GREM2: variants seen among roughly 807,000 people sequenced by gnomAD.
GREM2 encodes the protein gremlin 2, DAN family BMP antagonist, also known as gremlin-2.
Under a neutral mutation model 14.2 loss-of-function variants are expected in GREM2, and 11 were observed. The observed-to-expected ratio is 0.78, with a 90% CI of 0.49 to 1.28. The LOEUF (loss-of-function observed/expected upper bound fraction) is 1.28, where lower values mean the gene tolerates loss of function less well. GREM2 is among the 50% of genes most tolerant of loss of function. The probability of loss-of-function intolerance (pLI) is 0.00; values close to 1 mark genes in which losing one functional copy is unlikely to be tolerated. For missense variants in GREM2, 210 were observed against 218.5 expected (o/e 0.96, Z 0.24); for synonymous variants, 98 against 97.6 (o/e 1.00, Z -0.02).
At chr1:240,574,132 G>A (rs184907941) in intron 1 of GREM2, among the ~76,000 whole-genome samples, 137 of 152,122 alleles carry the variant, frequency 9.0e-4, no homozygotes, top group Middle Eastern at 3.4e-3. Context: ...ATGTTGGCCA[G>A]GCTGGTCTCG....
intron 1 of GREM2, among the ~76,000 whole-genome samples, chr1:240,570,642 T>C (rs960712833): frequency 6.6e-6 from 1 of 152,162 alleles, no homozygotes; most frequent in African/African-American, 2.4e-5. Flanking sequence ...AATCAAATTG[T>C]GTTTTACACA....
chr1:240,511,697 A>G (rs1677834909), intron 1 of GREM2, among the ~76,000 whole-genome samples: 1 of 152,154 alleles, frequency 6.6e-6, no homozygotes, highest in Non-Finnish European at 1.5e-5. Flanking sequence ...AGTTTGCGGT[A>G]AGCCGAGATT....
chr1:240,491,847 C>G lies in GREM2; in HGVS notation c.*1122G>C, dbSNP rs1677259226. 6.5e-6 allele frequency: 1 copy of G among 152,782 alleles called. No homozygotes were observed. The highest frequency in any genetic ancestry group is 1.5e-5 in the Non-Finnish European group (1 of 68,176). The allele number at this position is 152,782 out of a possible 1,614,324, so 9.5% of individuals were successfully genotyped here. A position where few individuals can be genotyped will look rare whatever the true frequency, so the allele number is the denominator to read the frequency against. On this transcript the variant is annotated 3_prime_UTR_variant, in exon 2 of 2. Coordinates refer to ENST00000318160, the MANE Select transcript of GREM2 (RefSeq NM_022469.4). ...TTCTAGTTTCCGGTCATCAATTTCCCAACGAATGCCCTTCCCTATACCTAT... is the reference window on the plus strand; with the variant it reads ...TTCTAGTTTCCGGTCATCAATTTCCGAACGAATGCCCTTCCCTATACCTAT...
intron 1 of GREM2, among the ~76,000 whole-genome samples, chr1:240,514,096 A>T (rs1435693574): frequency 6.6e-6 from 1 of 151,902 alleles, no homozygotes; most frequent in Non-Finnish European, 1.5e-5. Flanking sequence ...AAAATACAAA[A>T]ATTAGCCAGG....
chr1:240,594,489 A>G (rs1679778380), intron 1 of GREM2, among the ~76,000 whole-genome samples: 1 of 152,202 alleles, frequency 6.6e-6, no homozygotes, highest in African/African-American at 2.4e-5. Context: ...AACTGGACTG[A>G]GAAACTCAAC....
At chr1:240,519,643 T>C (rs1678033407) in intron 1 of GREM2, among the ~76,000 whole-genome samples, 2 of 152,226 alleles carry the variant, frequency 1.3e-5, no homozygotes, top group East Asian at 3.8e-4. Flanking sequence ...TCAAGTTTTC[T>C]GAAACCAATC....
At chr1:240,521,561 A>G (rs1678099001) in intron 1 of GREM2, among the ~76,000 whole-genome samples, 1 of 151,756 alleles carries the variant, frequency 6.6e-6, no homozygotes, top group Non-Finnish European at 1.5e-5. Context: ...ACAGTGTGAG[A>G]CTCCGTCTCA....
At chr1:240,600,412 A>T (rs759861435) in intron 1 of GREM2, among the ~76,000 whole-genome samples, 1 of 152,082 alleles carries the variant, frequency 6.6e-6, no homozygotes, top group African/African-American at 2.4e-5. Flanking sequence ...CCAACACTCA[A>T]GGTACCTATG....
At chr1:240,594,456 G>T (rs1679775726) in intron 1 of GREM2, among the ~76,000 whole-genome samples, 1 of 152,122 alleles carries the variant, frequency 6.6e-6, no homozygotes, top group Admixed American at 6.5e-5. Flanking sequence ...AAGAATATTG[G>T]GTTGAACCTA....
At chr1:240,572,803 C>A (rs1679284695) in intron 1 of GREM2, among the ~76,000 whole-genome samples, 1 of 152,116 alleles carries the variant, frequency 6.6e-6, no homozygotes, top group Non-Finnish European at 1.5e-5. Context: ...GGATTAAGCA[C>A]TTGTTTTAAC....
chr1:240,562,454 C>G (rs542194676), intron 1 of GREM2, among the ~76,000 whole-genome samples: 1 of 152,152 alleles, frequency 6.6e-6, no homozygotes, highest in African/African-American at 2.4e-5. Context: ...TCAGCGGTTA[C>G]GATTCTTACA....
intron 1 of GREM2, among the ~76,000 whole-genome samples, chr1:240,565,845 CCA>C (rs1679168214): frequency 7.7e-6 from 1 of 129,220 alleles, no homozygotes; most frequent in Admixed American, 7.3e-5. Flanking sequence ...GACTCTGTCT[CCA>C]AAAAAAAAAA....
At chr1:240,580,011 C>A (rs1475388041) in intron 1 of GREM2, among the ~76,000 whole-genome samples, 10 of 152,148 alleles carry the variant, frequency 6.6e-5, no homozygotes, top group Admixed American at 6.5e-4. Context: ...CTGTGATATG[C>A]ACACAAATCT....
At chr1:240,548,032 T>A (rs1572393541) in intron 1 of GREM2, among the ~76,000 whole-genome samples, 1 of 150,656 alleles carries the variant, frequency 6.6e-6, no homozygotes, top group South Asian at 2.1e-4. Context: ...GAGGCCAAGG[T>A]GGGTGGATCA....
intron 1 of GREM2, among the ~76,000 whole-genome samples, chr1:240,589,713 C>T (rs1679670611): frequency 4.6e-5 from 7 of 152,024 alleles, no homozygotes; most frequent in Admixed American, 4.6e-4. Context: ...TGAACTTGAG[C>T]AGGTTGTACT....
chr1:240,585,729 CAAAAAA>C (rs370321961), intron 1 of GREM2, among the ~76,000 whole-genome samples: 1 of 67,832 alleles, frequency 1.5e-5, no homozygotes, highest in Non-Finnish European at 3.4e-5. Flanking sequence ...GACTCCATCT[CAAAAAA>C]AAAAAAAAAA....
At chr1:240,523,909 C>T (rs1308318523) in intron 1 of GREM2, among the ~76,000 whole-genome samples, 1 of 152,166 alleles carries the variant, frequency 6.6e-6, no homozygotes, top group African/African-American at 2.4e-5. Flanking sequence ...GTGTTACTAA[C>T]ATTTAGTTTT....
At chr1:240,545,106 G>A (rs1383123980) in intron 1 of GREM2, among the ~76,000 whole-genome samples, 1 of 152,182 alleles carries the variant, frequency 6.6e-6, no homozygotes, top group Admixed American at 6.5e-5. Context: ...CTTCAGGATG[G>A]TGGCTGGTCA....
At position 240,493,283 on chromosome 1, in the gene GREM2, G is replaced by C; in HGVS notation, c.193C>G (p.Arg65Gly). The C allele has an allele frequency of 6.2e-7, 1 of 1,613,968 alleles. No individual in the cohort carries two copies. The highest frequency in any genetic ancestry group is 8.5e-7 in the Non-Finnish European group (1 of 1,179,944). ...SSQEALVVTE[R>G]KYLKSDWCKT... is the part of the protein sequence containing the mutation. ...CACCAGTCACTCTTGAGGTACTTGCGCTCGGTGACCACCAGGGCCTCCTGG... is the reference window on the plus strand; with the variant it reads ...CACCAGTCACTCTTGAGGTACTTGCCCTCGGTGACCACCAGGGCCTCCTGG... The change falls in exon 2 of 2, where the codon CGC (arginine) becomes GGC (glycine). Residue 65 changes from arginine to glycine, a missense_variant. By Grantham distance (125) the Arg-to-Gly change is moderately radical. Coordinates refer to ENST00000318160, the MANE Select transcript of GREM2 (RefSeq NM_022469.4).
Sources: gnomAD v4.1 joint callset for allele counts (sites outside exome capture counted in the v4.1 genomes callset) on GRCh38, gnomAD v4.1.1 for gene constraint, MANE v1.5 for transcripts, NCBI Gene and HGNC (gene_info 2026-07-23, HGNC 2026-07-21) for gene names.